Variants in KHDRBS3 observed in about 807,000 individuals in gnomAD.
The protein encoded by KHDRBS3 is KH domain-containing, RNA-binding, signal transduction-associated protein 3.
Under a neutral mutation model 45.6 loss-of-function variants are expected in KHDRBS3, and 23 were observed. That is an observed-to-expected ratio of 0.50 (90% CI 0.36 to 0.72). The LOEUF (loss-of-function observed/expected upper bound fraction) is 0.72. Ranked by LOEUF, KHDRBS3 falls within the 30% of genes least tolerant of loss-of-function variation. The pLI, the probability that KHDRBS3 is intolerant of heterozygous loss-of-function variation, is 0.00. For missense variants in KHDRBS3, 352 were observed against 424.8 expected, an observed-to-expected ratio of 0.83 and a Z score of 1.51; for synonymous variants, 162 against 156.5, an observed-to-expected ratio of 1.04 and a Z score of -0.26.
intron 7 of KHDRBS3, among the ~76,000 whole-genome samples, chr8:135,627,237 G>T (rs185403430): frequency 3.7e-4 from 56 of 152,158 alleles, no homozygotes; most frequent in African/African-American, 1.2e-3. Flanking sequence ...CTTCTCTTCC[G>T]CACTCCTTCA....
At chr8:135,541,213 T>G (rs773604946) in intron 2 of KHDRBS3, 4 of 152,178 alleles carry the variant, frequency 2.6e-5, no homozygotes, top group Non-Finnish European at 4.4e-5. Flanking sequence ...GCAGTCCATC[T>G]CAGGATGTCC....
At chr8:135,603,547 G>A (rs1329866869) in intron 6 of KHDRBS3, among the ~76,000 whole-genome samples, 1 of 152,130 alleles carries the variant, frequency 6.6e-6, no homozygotes, top group Non-Finnish European at 1.5e-5. Context: ...TCATATTCAT[G>A]ACTTCTGTTA....
intron 3 of KHDRBS3, 85 bp from the exon 4 acceptor site, chr8:135,548,669 G>T (rs1826430550): frequency 1.8e-6 from 2 of 1,089,972 alleles, no homozygotes; most frequent in Non-Finnish European, 2.5e-6. Context: ...TATTTTGGGG[G>T]TTAGTTTTTA....
In KHDRBS3 at chr8:135,558,394, C is replaced by T. The variant is rs557212285; in HGVS notation, c.611+807C>T. Among the ~76,000 whole-genome samples, 3 of 152,260 alleles carry T rather than the reference C, an allele frequency of 2.0e-5. No individual in the cohort carries two copies. The South Asian group carries it at 6.2e-4, about 32-fold the overall frequency. On this transcript the variant is annotated intron_variant, in intron 5 of 8. Transcript: ENST00000355849. ...GAATAATGCAAATTTTTCAATTAAA[C>T]TAATGACTATGGATAAATTTTTATT...
Position 135,551,344 on chromosome 8 carries a change from G to A in KHDRBS3, c.471+2444G>A, listed in dbSNP as rs926062907. On this transcript the variant is annotated intron_variant, in intron 4 of 8. Transcript: ENST00000355849. ...CAGTGTTGTTTCTAAAATTGGAGGG[G>A]AAAGCATTCAGTCTTTCACCATTGG... Among the ~76,000 whole-genome samples the A allele has an allele frequency of 2.6e-5, 4 of 152,188 alleles. No individual in the cohort carries two copies. In the South Asian group the frequency reaches 6.2e-4, roughly 24 times the overall value.
chr8:135,561,854 TA>T (rs1184641674), intron 5 of KHDRBS3, among the ~76,000 whole-genome samples: 3 of 152,106 alleles, frequency 2.0e-5, no homozygotes, highest in East Asian at 1.9e-4. Context: ...GAAAACAGCT[TA>T]AAAAATAATT....
At chr8:135,626,247 T>G (rs1830355213) in intron 7 of KHDRBS3, among the ~76,000 whole-genome samples, 1 of 152,232 alleles carries the variant, frequency 6.6e-6, no homozygotes, top group South Asian at 2.1e-4. Context: ...AACTTTAAGC[T>G]GACAGAGAAT....
intron 1 of KHDRBS3, among the ~76,000 whole-genome samples, chr8:135,506,932 A>G (rs1586628378): frequency 1.3e-5 from 2 of 152,156 alleles, no homozygotes; most frequent in Non-Finnish European, 1.5e-5. Flanking sequence ...CCTGTAGGAT[A>G]AACATTTTCG....
chr8:135,515,610 A>C (rs898394585), intron 1 of KHDRBS3, among the ~76,000 whole-genome samples: 12 of 152,132 alleles, frequency 7.9e-5, no homozygotes, highest in African/African-American at 2.9e-4. Flanking sequence ...CTAGTGGTCA[A>C]TAGCAGAAGC....
intron 5 of KHDRBS3, among the ~76,000 whole-genome samples, chr8:135,572,339 A>G (rs1373029003): frequency 6.6e-6 from 1 of 152,254 alleles, no homozygotes; most frequent in Non-Finnish European, 1.5e-5. Context: ...ACTTCCTTAT[A>G]CACTGTCTTA....
At chr8:135,636,541 T>C (rs1403634018) in intron 7 of KHDRBS3, among the ~76,000 whole-genome samples, 1 of 152,194 alleles carries the variant, frequency 6.6e-6, no homozygotes, top group Non-Finnish European at 1.5e-5. Context: ...AGTTCGTGGG[T>C]CACACTTTAG....
chr8:135,557,474 A>G lies in KHDRBS3; in HGVS notation c.498A>G (p.Ala166=). The G allele has an allele frequency of 1.2e-6, 2 of 1,611,894 alleles. No individual in the cohort carries two copies. The highest frequency in any genetic ancestry group is 1.7e-6 in the Non-Finnish European group (2 of 1,177,974). Residue 166 remains alanine (A), a synonymous_variant, in exon 5 of 9, where the codon GCA becomes GCG. Coordinates refer to ENST00000355849, the MANE Select transcript of KHDRBS3 (RefSeq NM_006558.3). ...IPDYNDEIRQ[A]QLQELTYLNG... is the part of the protein sequence containing the mutation. ...ATTATAATGATGAGATCAGGCAAGC[A>G]CAGCTCCAGGAGTTAACATATTTGA...
At chr8:135,644,950 C>CATTAAAAA in intron 7 of KHDRBS3, 109 bp from the exon 8 acceptor site, 1 of 1,117,586 alleles carries the variant, frequency 8.9e-7, no homozygotes, top group Non-Finnish European at 1.3e-6. Context: ...TTTGAATTTT[C>CATTAAAAA]AGTCTTGCCC....
In KHDRBS3 at chr8:135,477,795, A is replaced by G. The variant is rs923144094; in HGVS notation, c.88+19841A>G. On this transcript the variant is annotated intron_variant, in intron 1 of 8. Transcript: ENST00000355849. ...AGAAGGATGTGCAGGAGTCAGTCAG[A>G]TAGGAGTATCACAACCAAACCGGAT... Among the ~76,000 whole-genome samples, 3 of 152,228 alleles carry G rather than the reference A, an allele frequency of 2.0e-5. No homozygotes were observed. In the South Asian group the frequency reaches 6.2e-4, roughly 31 times the overall value.
intron 3 of KHDRBS3, among the ~76,000 whole-genome samples, chr8:135,547,927 G>T (rs555400583): frequency 6.6e-6 from 1 of 152,234 alleles, no homozygotes; most frequent in South Asian, 2.1e-4. Flanking sequence ...GTTCCTTAAC[G>T]ATCTGTTTTT....
In KHDRBS3 at chr8:135,457,930, C is replaced by T; in HGVS notation, c.64C>T (p.His22Tyr). The change falls in exon 1 of 9, where the codon CAC (histidine) becomes TAC (tyrosine). Residue 22 changes from histidine to tyrosine, a missense_variant. By Grantham distance (83) the His-to-Tyr change is moderately conservative. Coordinates refer to ENST00000355849, the MANE Select transcript of KHDRBS3 (RefSeq NM_006558.3). This position sits in a 1 kb window ranked among gnomAD's most constrained non-coding sequence, Gnocchi z 4.4. ...GGACTCCCTGGACCCCTCCTTCACG[C>T]ACGCCCTGCGCCTGGTGAACCAAGG... Reference protein sequence around the residue: ...EKDSLDPSFTHALRLVNQEIE... With the variant: ...EKDSLDPSFTYALRLVNQEIE... The T allele has an allele frequency of 1.1e-5, 18 of 1,601,868 alleles. No individual in the cohort carries two copies. The highest frequency in any genetic ancestry group is 1.5e-5 in the Non-Finnish European group (18 of 1,174,922).
At chr8:135,525,888 T>C (rs1261224525) in intron 2 of KHDRBS3, among the ~76,000 whole-genome samples, 1 of 152,174 alleles carries the variant, frequency 6.6e-6, no homozygotes, top group South Asian at 2.1e-4. Context: ...GTAAATGAAA[T>C]AAAATAAAGT....
intron 1 of KHDRBS3, among the ~76,000 whole-genome samples, chr8:135,492,296 G>T (rs556788206): frequency 6.6e-6 from 1 of 152,072 alleles, no homozygotes; most frequent in African/African-American, 2.4e-5. Flanking sequence ...TGAACTTTGT[G>T]TATCTTAAAA....
At chr8:135,655,351 A>G (rs1261798166) in intron 4 of KHDRBS3, among the ~76,000 whole-genome samples, 2 of 152,214 alleles carry the variant, frequency 1.3e-5, no homozygotes, top group Non-Finnish European at 2.9e-5. Context: ...TGCTCCGAGG[A>G]CAAAGGAAGA....
Sources: gnomAD v4.1 joint callset for allele counts (sites outside exome capture counted in the v4.1 genomes callset) on GRCh38, gnomAD v4.1.1 for gene constraint, Gnocchi (gnomAD v3.1) non-coding constraint, MANE v1.5 for transcripts, NCBI Gene and HGNC (gene_info 2026-07-23, HGNC 2026-07-21) for gene names.